MAPK10: variants seen among roughly 807,000 people sequenced by gnomAD.
The protein encoded by MAPK10 is JNK3 alpha protein kinase.
A neutral mutation model predicts 59.3 loss-of-function variants in MAPK10; 25 were observed. The observed-to-expected ratio is 0.42, with a 90% CI of 0.31 to 0.59. MAPK10 has a LOEUF of 0.59. MAPK10 is among the 20% of genes least tolerant of loss of function. The pLI, the probability that MAPK10 is intolerant of heterozygous loss-of-function variation, is 0.15. For synonymous variants in MAPK10, 190 were observed against 200.5 expected (o/e 0.95, Z 0.44); for missense variants, 351 against 568.9 (o/e 0.62, Z 3.90).
intron 3 of MAPK10, among the ~76,000 whole-genome samples, chr4:86,169,907 A>G (rs1447514714): frequency 2.0e-5 from 3 of 152,324 alleles, no homozygotes; most frequent in Non-Finnish European, 4.4e-5. Context: ...GGGGGCCAAT[A>G]TTCAACATTC....
At chr4:86,525,985 G>A (rs1405792042) in intron 1 of MAPK10, among the ~76,000 whole-genome samples, 2 of 144,140 alleles carry the variant, frequency 1.4e-5, no homozygotes, top group Non-Finnish European at 3.1e-5. Context: ...ATTTTGTTGA[G>A]GATTTTTGCA....
chr4:86,506,195 T>C (rs1427499555), intron 1 of MAPK10, among the ~76,000 whole-genome samples: 1 of 151,958 alleles, frequency 6.6e-6, no homozygotes, highest in Non-Finnish European at 1.5e-5. Flanking sequence ...AAGGGAAAAA[T>C]TAATTCTGAA....
At chr4:86,197,466 C>A (rs1562992843) in intron 2 of MAPK10, among the ~76,000 whole-genome samples, 1 of 152,094 alleles carries the variant, frequency 6.6e-6, no homozygotes, top group Non-Finnish European at 1.5e-5. Flanking sequence ...GGGGCTGAGA[C>A]AATGGGGTTT....
chr4:86,505,764 C>A (rs1270478704), intron 1 of MAPK10, among the ~76,000 whole-genome samples: 2 of 152,074 alleles, frequency 1.3e-5, no homozygotes, highest in Non-Finnish European at 2.9e-5. Context: ...ACTGAATTAG[C>A]CTTTAGCTGG....
chr4:86,495,763 T>C (rs577412480), intron 1 of MAPK10, among the ~76,000 whole-genome samples: 2 of 152,366 alleles, frequency 1.3e-5, no homozygotes, highest in Non-Finnish European at 2.9e-5. Context: ...TTTTATGTCC[T>C]ATGAACTTTC....
At chr4:86,440,711 T>A in intron 1 of MAPK10, among the ~76,000 whole-genome samples, 1 of 152,224 alleles carries the variant, frequency 6.6e-6, no homozygotes, top group Non-Finnish European at 1.5e-5. Context: ...CAGTGGCATA[T>A]GTCATTTAAA....
intron 2 of MAPK10, among the ~76,000 whole-genome samples, chr4:86,350,281 C>G (rs1231078014): frequency 6.6e-6 from 1 of 151,608 alleles, no homozygotes; most frequent in Non-Finnish European, 1.5e-5. Flanking sequence ...GTGGCACGAT[C>G]GCGGCTCACT....
At chr4:86,094,129 T>C (rs2053768171) in intron 9 of MAPK10, among the ~76,000 whole-genome samples, 1 of 152,030 alleles carries the variant, frequency 6.6e-6, no homozygotes, top group African/African-American at 2.4e-5. Context: ...CTGTGCTAGA[T>C]TGATATAACA....
intron 11 of MAPK10, among the ~76,000 whole-genome samples, chr4:86,046,683 T>C (rs2148951375): frequency 6.6e-6 from 1 of 152,248 alleles, no homozygotes; most frequent in Admixed American, 6.6e-5. Context: ...ATTACTCAAA[T>C]AATTTTTAAA....
intron 1 of MAPK10, among the ~76,000 whole-genome samples, chr4:86,493,235 G>A (rs902817060): frequency 6.6e-6 from 1 of 152,172 alleles, no homozygotes; most frequent in Non-Finnish European, 1.5e-5. Context: ...CTGTGATTCT[G>A]AGGACTGCCT....
intron 4 of MAPK10, chr4:86,125,796 T>C (rs2059984632): frequency 6.6e-6 from 1 of 152,108 alleles, no homozygotes; most frequent in Admixed American, 6.6e-5. Context: ...TTGAGTATAT[T>C]ATGTTAACTT....
intron 3 of MAPK10, among the ~76,000 whole-genome samples, chr4:86,183,970 C>T (rs1017864477): frequency 2.0e-5 from 3 of 152,082 alleles, no homozygotes; most frequent in African/African-American, 7.2e-5. Flanking sequence ...GTCCTTTGCC[C>T]ACTTTTTGAT....
chr4:86,015,770 T>A lies in MAPK10; in HGVS notation c.*1458A>T, dbSNP rs1463770812. 2.6e-5 allele frequency: 4 copies of A among 152,134 alleles called. No individual in the cohort carries two copies. Among genetic ancestry groups the A allele is most frequent in the Admixed American group, 2.6e-4 (4 of 15,280 alleles). The allele number at this position is 152,134 out of a possible 1,614,324, so 9.4% of individuals were successfully genotyped here. ...GTTATTGCTCTTACATCTACTGCAG[T>A]ACAAAACTCAGATGATCAGCCCTTC... On this transcript the variant is annotated 3_prime_UTR_variant, in exon 14 of 14. Transcript: ENST00000641462.
intron 1 of MAPK10, among the ~76,000 whole-genome samples, chr4:86,401,790 T>C (rs528024955): frequency 1.3e-5 from 2 of 152,288 alleles, no homozygotes; most frequent in South Asian, 2.1e-4. Context: ...TGTTTTCAAA[T>C]TGGTTTACAA....
chr4:86,244,285 C>T (rs2092936687), intron 2 of MAPK10, among the ~76,000 whole-genome samples: 1 of 152,184 alleles, frequency 6.6e-6, no homozygotes, highest in African/African-American at 2.4e-5. Flanking sequence ...TTTTATACCT[C>T]ATAATTTGTG....
At chr4:86,455,711 G>T (rs532792110), upstream of MAPK10, among the ~76,000 whole-genome samples, 1 of 151,974 alleles carries the variant, frequency 6.6e-6, no homozygotes, top group African/African-American at 2.4e-5. Context: ...TAATAGTGGG[G>T]GACTTCAATA....
intron 2 of MAPK10, among the ~76,000 whole-genome samples, chr4:86,215,815 T>G (rs923954130): frequency 1.3e-5 from 2 of 152,178 alleles, no homozygotes; most frequent in Admixed American, 1.3e-4. Context: ...TGAGCCGAGA[T>G]TGTGCCACTG....
At chr4:86,191,468 C>G (rs1291884572) in intron 3 of MAPK10, 1 of 143,650 alleles carries the variant, frequency 7.0e-6, no homozygotes, top group Non-Finnish European at 1.5e-5. Flanking sequence ...GTTAGCTCTT[C>G]TTGTTGCATT....
rs1578997505 is a variant in MAPK10, at chr4:86,381,059, G to T, written c.-121-26415C>A. On this transcript the variant is annotated intron_variant, in intron 1 of 13. Transcript: ENST00000361569. ...AAATCCAGTTCAGTTCACAGTGCAT[G>T]TGTTTTCATTAGTGTCACTGTTTAA... Among the ~76,000 whole-genome samples, 3 of 152,234 alleles carry T rather than the reference G, an allele frequency of 2.0e-5. No homozygotes were observed. The East Asian group carries it at 5.8e-4, about 29-fold the overall frequency.
Sources: gnomAD v4.1 joint callset for allele counts (sites outside exome capture counted in the v4.1 genomes callset) on GRCh38, gnomAD v4.1.1 for gene constraint, MANE v1.5 for transcripts, NCBI Gene and HGNC (gene_info 2026-07-23, HGNC 2026-07-21) for gene names.